The following CSPP1 variants were observed in gnomAD, a reference collection of about 807,000 sequenced individuals.
The protein encoded by CSPP1 is centrosome and spindle pole-associated protein 1.
A neutral mutation model predicts 164.4 loss-of-function variants in CSPP1; 126 were observed. The observed-to-expected ratio is 0.77, with a 90% confidence interval of 0.66 to 0.89. CSPP1 has a LOEUF of 0.89. CSPP1 is among the 40% of genes least tolerant of loss of function. The pLI is 0.00. For missense variants in CSPP1, 1,395 were observed against 1,449.8 expected, an observed-to-expected ratio of 0.96 and a Z score of 0.61; for synonymous variants, 472 against 476.7, an observed-to-expected ratio of 0.99 and a Z score of 0.13.
In CSPP1 at chr8:67,116,101, T is replaced by G. The variant is rs1161927205; in HGVS notation, c.1475T>G (p.Leu492Arg). 6.2e-7 allele frequency: 1 copy of G among 1,613,670 alleles called. No individual in the cohort carries two copies. Among genetic ancestry groups the G allele is most frequent in the Admixed American group, 1.7e-5 (1 of 59,998 alleles). ...EDLRSGLSSALGEMVSPRIAP... is the reference protein window; with the variant it reads ...EDLRSGLSSARGEMVSPRIAP... ...TTGCGCAGTGGACTCAGCAGCGCCC[T>G]TGGTGAAATGGTGTCTCCCAGGTGC... is the stretch of plus-strand genomic sequence containing the variant. Residue 492 changes from leucine (L) to arginine (R), a missense_variant, in exon 13 of 31, where the codon CTT (leucine) becomes CGT (arginine). Coordinates refer to ENST00000678616, the MANE Select transcript of CSPP1 (RefSeq NM_001382391.1).
intron 20 of CSPP1, among the ~76,000 whole-genome samples, 187 bp from the exon 21 acceptor site, chr8:67,158,804 T>C (rs1827161220): frequency 6.6e-6 from 1 of 152,218 alleles, no homozygotes. Context: ...AATATAGATG[T>C]AGGCTGACTG....
At chr8:67,169,125 A>T (rs1830028724) in intron 24 of CSPP1, among the ~76,000 whole-genome samples, 1 of 152,214 alleles carries the variant, frequency 6.6e-6, no homozygotes. Flanking sequence ...GAGGAGTCTG[A>T]CTAAGCCTCA....
chr8:67,186,788 A>G (rs1834722165), intron 28 of CSPP1, among the ~76,000 whole-genome samples: 1 of 152,240 alleles, frequency 6.6e-6, no homozygotes, highest in Non-Finnish European at 1.5e-5. Context: ...AATCAACTAA[A>G]AAATGCCTGG....
At chr8:67,191,124 C>T (rs559048675) in intron 29 of CSPP1, among the ~76,000 whole-genome samples, 1 of 152,326 alleles carries the variant, frequency 6.6e-6, no homozygotes, top group Non-Finnish European at 1.5e-5. Flanking sequence ...ACCTTCATTT[C>T]GGTCAAATGA....
chr8:67,168,658 A>T (rs767161252), intron 24 of CSPP1, among the ~76,000 whole-genome samples: 2 of 152,220 alleles, frequency 1.3e-5, no homozygotes, highest in East Asian at 3.9e-4. Flanking sequence ...TTTAATACAT[A>T]TTCTGATTAA....
intron 28 of CSPP1, among the ~76,000 whole-genome samples, chr8:67,187,935 A>G (rs1380200202): frequency 1.3e-5 from 2 of 152,236 alleles, no homozygotes; most frequent in African/African-American, 2.4e-5. Context: ...CTCATAGATG[A>G]TAACAACAGA....
chr8:67,151,032 A>G (rs889428683), intron 18 of CSPP1, among the ~76,000 whole-genome samples: 2 of 152,182 alleles, frequency 1.3e-5, no homozygotes, highest in Non-Finnish European at 2.9e-5. Flanking sequence ...ATTTTTGGCT[A>G]AACAGATAAG....
chr8:67,072,627 T>C (rs1333046003), intron 1 of CSPP1, among the ~76,000 whole-genome samples: 2 of 151,450 alleles, frequency 1.3e-5, no homozygotes, highest in South Asian at 2.1e-4. Context: ...GTCCAGGAAT[T>C]GAAGGGGTAA....
intron 30 of CSPP1, 84 bp from the exon 31 acceptor site, chr8:67,195,298 T>TGAG: frequency 2.4e-6 from 2 of 838,206 alleles, no homozygotes; most frequent in Non-Finnish European, 4.2e-6. Context: ...TGAGTTGTAA[T>TGAG]GAGTTGGACT....
intron 10 of CSPP1, among the ~76,000 whole-genome samples, chr8:67,112,922 G>GAATAGAGTTTAAAATTAGAAATTTTA (rs1817161928): frequency 6.6e-6 from 1 of 152,080 alleles, no homozygotes; most frequent in Non-Finnish European, 1.5e-5. Context: ...TTAAAATTAG[G>GAATAGAGTTTAAAATTAGAAATTTTA]AATAGAGTTT....
chr8:67,124,631 G>T (rs1819697806), intron 15 of CSPP1, among the ~76,000 whole-genome samples: 1 of 151,928 alleles, frequency 6.6e-6, no homozygotes, highest in South Asian at 2.1e-4. Context: ...CTCCTGAGTA[G>T]CTGGGACTAC....
chr8:67,189,134 A>G (rs761422327), intron 28 of CSPP1, among the ~76,000 whole-genome samples: 5 of 152,326 alleles, frequency 3.3e-5, no homozygotes, highest in Middle Eastern at 3.4e-3. Context: ...TGGCAAGGTT[A>G]TGGAGCAATA....
intron 8 of CSPP1, among the ~76,000 whole-genome samples, chr8:67,104,213 G>C (rs934646281): frequency 6.7e-6 from 1 of 150,018 alleles, no homozygotes; most frequent in African/African-American, 2.4e-5. Flanking sequence ...AATTGATTAA[G>C]TTTCCTTTGA....
intron 24 of CSPP1, among the ~76,000 whole-genome samples, chr8:67,168,180 G>T (rs527283335): frequency 3.3e-5 from 5 of 152,064 alleles, no homozygotes; most frequent in African/African-American, 1.2e-4. Context: ...GCCTATAATC[G>T]CAGGCACTTG....
At chr8:67,137,333 GAAAA>G (rs34987713) in intron 16 of CSPP1, 119 bp from the exon 17 acceptor site, 22 of 524,700 alleles carry the variant, frequency 4.2e-5, no homozygotes, top group Non-Finnish European at 5.9e-5. Context: ...GTACACTGGG[GAAAA>G]AAAAAAAAGC....
At chr8:67,165,048 G>C (rs966723496) in intron 24 of CSPP1, among the ~76,000 whole-genome samples, 2 of 152,198 alleles carry the variant, frequency 1.3e-5, no homozygotes, top group Non-Finnish European at 2.9e-5. Context: ...CTTTTGGGAG[G>C]CCAAGGTGGG....
intron 9 of CSPP1, among the ~76,000 whole-genome samples, chr8:67,106,704 A>G (rs1437557788): frequency 1.3e-5 from 2 of 152,224 alleles, no homozygotes. Flanking sequence ...ACCTTTAAAT[A>G]TGTAATAGAA....
intron 1 of CSPP1, among the ~76,000 whole-genome samples, chr8:67,067,171 G>T (rs1026215307): frequency 6.6e-6 from 1 of 152,232 alleles, no homozygotes; most frequent in Non-Finnish European, 1.5e-5. Flanking sequence ...TCCACTCCTT[G>T]AGAGGGAAAA....
At chr8:67,113,710 G>A in intron 10 of CSPP1, 95 bp from the exon 11 acceptor site, 1 of 659,356 alleles carries the variant, frequency 1.5e-6, no homozygotes, top group Non-Finnish European at 2.6e-6. Flanking sequence ...TAGATGTAGT[G>A]CATAGACTTT....
Sources: gnomAD v4.1 joint callset for allele counts (sites outside exome capture counted in the v4.1 genomes callset) on GRCh38, gnomAD v4.1.1 for gene constraint, MANE v1.5 for transcripts, NCBI Gene and HGNC (gene_info 2026-07-23, HGNC 2026-07-21) for gene names.